The following AHI1 variants were observed in gnomAD, a reference collection of about 807,000 sequenced individuals.
AHI1 encodes the protein Abelson helper integration site 1.
AHI1 carries 123 observed loss-of-function variants against 149.3 expected under a neutral mutation model. That is an observed-to-expected ratio of 0.82 (90% confidence interval 0.71 to 0.96). AHI1 has a LOEUF of 0.96. Among genes scored for constraint, AHI1 ranks in the 40% least tolerant of loss-of-function variants. AHI1 has a pLI of 0.00. For missense variants in AHI1, 1,439 were observed against 1,422.7 expected, an observed-to-expected ratio of 1.01 and a Z score of -0.18; for synonymous variants, 475 against 459.8, an observed-to-expected ratio of 1.03 and a Z score of -0.42.
chr6:135,421,595 T>G (rs910367719), intron 20 of AHI1, among the ~76,000 whole-genome samples: 14 of 152,110 alleles, frequency 9.2e-5, no homozygotes, highest in African/African-American at 3.4e-4. Flanking sequence ...CTTACTCCAG[T>G]CTTTGTTGTT....
intron 24 of AHI1, among the ~76,000 whole-genome samples, chr6:135,352,363 A>AT (rs1029701433): frequency 6.6e-6 from 1 of 152,110 alleles, no homozygotes; most frequent in African/African-American, 2.4e-5. Context: ...CTACCCATCT[A>AT]TAAACTGTGT....
chr6:135,467,353 G>A (rs1473528834), intron 6 of AHI1, among the ~76,000 whole-genome samples: 6 of 152,136 alleles, frequency 3.9e-5, no homozygotes, highest in Non-Finnish European at 8.8e-5. Flanking sequence ...TCATATGTAA[G>A]TATTTAAAAC....
chr6:135,376,039 C>T (rs1030963819), intron 23 of AHI1, among the ~76,000 whole-genome samples: 1 of 131,444 alleles, frequency 7.6e-6, no homozygotes, highest in African/African-American at 2.9e-5. Context: ...AAAAGTAGTA[C>T]AACAAATTGA....
rs1418969362 is a variant in AHI1 at position 135,378,321 on chromosome 6, T to A, written c.3109+16455A>T. On this transcript the variant is annotated intron_variant, in intron 23 of 28. Transcript: ENST00000265602. ...GAATACATAAAGTTAGCAGATTTAATAGACTTCTAAACTAATGCCCAAATA... is the reference window on the plus strand; with the variant it reads ...GAATACATAAAGTTAGCAGATTTAAAAGACTTCTAAACTAATGCCCAAATA... Among the ~76,000 whole-genome samples the A allele has an allele frequency of 6.6e-5, 10 of 152,250 alleles. No individual in the cohort carries two copies. In the East Asian group the frequency reaches 1.9e-3, roughly 29 times the overall value.
intron 5 of AHI1, among the ~76,000 whole-genome samples, chr6:135,479,385 C>T (rs1323128084): frequency 6.6e-6 from 1 of 152,172 alleles, no homozygotes; most frequent in Non-Finnish European, 1.5e-5. Flanking sequence ...GGAGCCTACC[C>T]CTTGTGTCAG....
intron 16 of AHI1, 60 bp downstream of exon 16, chr6:135,432,967 T>C: frequency 1.6e-6 from 2 of 1,285,326 alleles, no homozygotes; most frequent in Non-Finnish European, 1.1e-6. Context: ...TAAATAACTA[T>C]TATTCTGGTA....
At chr6:135,424,504 TGTGGTACTC>T (rs1783668808) in intron 20 of AHI1, among the ~76,000 whole-genome samples, 1 of 152,020 alleles carries the variant, frequency 6.6e-6, no homozygotes, top group Non-Finnish European at 1.5e-5. Flanking sequence ...GTACATTATT[TGTGGTACTC>T]TGTGACTAAA....
intron 23 of AHI1, among the ~76,000 whole-genome samples, chr6:135,365,282 G>A (rs551900165): frequency 2.0e-4 from 30 of 152,202 alleles, no homozygotes; most frequent in Admixed American, 6.5e-4. Context: ...TCTTGCTTTC[G>A]CTACATGGGC....
At chr6:135,362,075 T>A (rs1342543844) in intron 23 of AHI1, among the ~76,000 whole-genome samples, 1 of 152,104 alleles carries the variant, frequency 6.6e-6, no homozygotes, top group Non-Finnish European at 1.5e-5. Context: ...ATTATTCCAT[T>A]CCTTTTTATG....
chr6:135,358,008 C>G (rs1793257847), intron 24 of AHI1, 124 bp downstream of exon 24: 2 of 746,352 alleles, frequency 2.7e-6, no homozygotes, highest in African/African-American at 1.8e-5. Context: ...ATGAACAAAT[C>G]TTGCAGGGAT....
chr6:135,393,653 T>G (rs1279505157), intron 23 of AHI1, among the ~76,000 whole-genome samples: 2 of 152,172 alleles, frequency 1.3e-5, no homozygotes, highest in African/African-American at 4.8e-5. Flanking sequence ...TTGAGATAAC[T>G]GTTATTAATT....
chr6:135,306,568 G>A (rs890322362), intron 26 of AHI1, among the ~76,000 whole-genome samples: 12 of 152,138 alleles, frequency 7.9e-5, no homozygotes, highest in South Asian at 2.1e-4. Flanking sequence ...CACGGGCCTC[G>A]CTGAGGAAAG....
At chr6:135,482,154 C>T (rs892060978) in intron 5 of AHI1, among the ~76,000 whole-genome samples, 3 of 151,962 alleles carry the variant, frequency 2.0e-5, no homozygotes, top group Non-Finnish European at 1.5e-5. Context: ...GTATTCTGTC[C>T]CCACTCCTCA....
intron 13 of AHI1, among the ~76,000 whole-genome samples, chr6:135,446,624 AGAG>A (rs1562790333): frequency 1.3e-5 from 2 of 152,182 alleles, no homozygotes; most frequent in African/African-American, 4.8e-5. Context: ...AATATAGTGA[AGAG>A]GAGGCGGGCT....
chr6:135,386,617 G>GGT (rs1777628831), intron 23 of AHI1, among the ~76,000 whole-genome samples: 1 of 151,252 alleles, frequency 6.6e-6, no homozygotes, highest in African/African-American at 2.4e-5. Flanking sequence ...GCCTAGAAAA[G>GGT]TGTTTTTTCT....
chr6:135,347,851 A>G (rs78335173), intron 24 of AHI1, among the ~76,000 whole-genome samples: 1,543 of 152,328 alleles, frequency 0.01, 8 homozygotes, highest in Non-Finnish European at 0.016. Context: ...TGAAGCCAAA[A>G]AGTACTCCCA....
At chr6:135,308,192 C>T (rs1332656440) in intron 26 of AHI1, among the ~76,000 whole-genome samples, 2 of 152,162 alleles carry the variant, frequency 1.3e-5, no homozygotes, top group Non-Finnish European at 2.9e-5. Context: ...CATTTTAGAT[C>T]TGTAGCAGAC....
chr6:135,402,911 A>T lies in AHI1; in HGVS notation c.2988+2040T>A, dbSNP rs1006696489. 4.6e-5 allele frequency among the ~76,000 whole-genome samples: 7 copies of T among 152,236 alleles called. No homozygotes were observed. In the South Asian group the frequency reaches 1.0e-3, roughly 23 times the overall value. On this transcript the variant is annotated intron_variant, in intron 22 of 28. Transcript: ENST00000265602. ...AGTACTTATTTTTTTGGGGAGTCAA[A>T]AGTTATACATTAATTTTTGACTGCA... is the stretch of plus-strand genomic sequence containing the variant.
chr6:135,388,176 T>A, intron 23 of AHI1: 1 of 865,040 alleles, frequency 1.2e-6, no homozygotes, highest in Non-Finnish European at 1.7e-6. Flanking sequence ...AATAGTGAAT[T>A]AATGCCTTTT....
Sources: allele counts gnomAD v4.1 joint callset (sites outside exome capture counted in the v4.1 genomes callset), GRCh38; gene constraint gnomAD v4.1.1; transcripts MANE v1.5; gene names NCBI Gene and HGNC (gene_info 2026-07-23, HGNC 2026-07-21).